SYN3: variants seen among roughly 807,000 people sequenced by gnomAD.
SYN3 encodes synapsin III, also known as synapsin-3.
In SYN3, 35 loss-of-function variants were observed where a neutral mutation model predicts 65.8. That is an observed-to-expected ratio of 0.53 (90% CI 0.41 to 0.70). The LOEUF (loss-of-function observed/expected upper bound fraction) is 0.70, where lower values mean the gene tolerates loss of function less well. SYN3 is among the 30% of genes least tolerant of loss of function. The probability of loss-of-function intolerance (pLI) is 0.00; values close to 1 mark genes in which losing one functional copy is unlikely to be tolerated. For synonymous variants in SYN3, 270 were observed against 292.9 expected, an observed-to-expected ratio of 0.92 and a Z score of 0.80; for missense variants, 680 against 749.0, an observed-to-expected ratio of 0.91 and a Z score of 1.08.
In SYN3 at chr22:32,865,070, G is replaced by A. The variant is rs1186599764; in HGVS notation, c.622-66C>T. On this transcript the variant is annotated intron_variant, in intron 5 of 13. Coordinates refer to ENST00000358763, the MANE Select transcript of SYN3 (RefSeq NM_003490.4). Reference sequence around the variant, plus strand: ...CCCAGTATAACAAAACCTCCCACTTGATCTGAGGCCTCAAGCATCTGACTG... The same window carrying A: ...CCCAGTATAACAAAACCTCCCACTTAATCTGAGGCCTCAAGCATCTGACTG... 3 of 1,287,210 alleles carry A rather than the reference G, an allele frequency of 2.3e-6. No homozygotes were observed. The African/African-American group carries it at 4.4e-5, about 19-fold the overall frequency. 79.7% of individuals were successfully genotyped at this position (1,287,210 alleles called of 1,614,324 possible).
intron 12 of SYN3, chr22:32,519,557 T>C (rs567615663): frequency 1.3e-5 from 2 of 152,258 alleles, no homozygotes; most frequent in African/African-American, 4.8e-5. Context: ...AAAGAGAATC[T>C]TGGTTTCTCC....
At chr22:32,884,665 G>A (rs2146438094) in intron 4 of SYN3, among the ~76,000 whole-genome samples, 1 of 152,252 alleles carries the variant, frequency 6.6e-6, no homozygotes, top group East Asian at 1.9e-4. Context: ...CGGATCACGA[G>A]GTCAGGAGAC....
chr22:32,730,987 T>C (rs892720301), intron 6 of SYN3, among the ~76,000 whole-genome samples: 2 of 152,116 alleles, frequency 1.3e-5, no homozygotes, highest in African/African-American at 4.8e-5. Context: ...ACAAGGCATG[T>C]CACCAGATTG....
chr22:32,845,782 T>C (rs242069), intron 6 of SYN3, among the ~76,000 whole-genome samples: 49,112 of 152,086 alleles, frequency 0.32, 8,520 homozygotes, highest in East Asian at 0.54. Context: ...ATGCTGCCAG[T>C]TACCAGTTTG....
At chr22:32,678,912 C>T (rs1192832483) in intron 6 of SYN3, among the ~76,000 whole-genome samples, 1 of 152,074 alleles carries the variant, frequency 6.6e-6, no homozygotes, top group Non-Finnish European at 1.5e-5. Context: ...CTTTCTGTAG[C>T]TGACTTATTT....
intron 4 of SYN3, among the ~76,000 whole-genome samples, chr22:32,910,677 G>A (rs547467957): frequency 1.3e-5 from 2 of 151,786 alleles, no homozygotes; most frequent in East Asian, 3.9e-4. Flanking sequence ...GAAAGTAATG[G>A]CAAAAATCAC....
At chr22:32,985,480 T>A (rs1487743525) in intron 2 of SYN3, among the ~76,000 whole-genome samples, 1 of 152,150 alleles carries the variant, frequency 6.6e-6, no homozygotes, top group Non-Finnish European at 1.5e-5. Flanking sequence ...ACCCTTCACA[T>A]CCTTCCTCCT....
chr22:32,998,434 G>A (rs1184462916), intron 2 of SYN3, among the ~76,000 whole-genome samples: 1 of 152,112 alleles, frequency 6.6e-6, no homozygotes, highest in Non-Finnish European at 1.5e-5. Context: ...AGAAACCATT[G>A]GGAAGGGTGG....
chr22:32,784,787 G>T, intron 6 of SYN3: 1 of 152,212 alleles, frequency 6.6e-6, no homozygotes, highest in East Asian at 1.9e-4. Flanking sequence ...ACAGCATATC[G>T]CAGCAGGCAT....
intron 4 of SYN3, among the ~76,000 whole-genome samples, chr22:32,904,028 CA>C (rs1348023149): frequency 1.3e-4 from 20 of 152,226 alleles, no homozygotes; most frequent in African/African-American, 4.8e-4. Context: ...AGCACCACAA[CA>C]GACATTATTT....
At chr22:32,912,243 G>C (rs1387859713) in intron 4 of SYN3, among the ~76,000 whole-genome samples, 1 of 152,138 alleles carries the variant, frequency 6.6e-6, no homozygotes, top group Non-Finnish European at 1.5e-5. Flanking sequence ...GTTTCTCTGA[G>C]GAGTGACATT....
At chr22:32,516,520 C>T (rs866569316) in intron 13 of SYN3, among the ~76,000 whole-genome samples, 23 of 152,132 alleles carry the variant, frequency 1.5e-4, no homozygotes, top group Admixed American at 3.3e-4. Context: ...TGCACCAGCA[C>T]GCCCAGCTAA....
chr22:32,541,834 A>G lies in SYN3; in HGVS notation c.775-121T>C, dbSNP rs114290071. 2,001 of 1,172,074 alleles carry G rather than the reference A, an allele frequency of 1.7e-3. 32 individuals are homozygous for G. In the African/African-American group the frequency reaches 0.024, roughly 14 times the overall value. The allele number at this position is 1,172,074 out of a possible 1,614,324, so 72.6% of individuals were successfully genotyped here. On this transcript the variant is annotated intron_variant, in intron 7 of 13. Coordinates refer to ENST00000358763, the MANE Select transcript of SYN3 (RefSeq NM_003490.4). ...TCCCTTCAGAAGGTCACCTGCTGGC[A>G]GGGGAGACAGACACGGGAAGCAAAT...
At chr22:32,869,408 T>G (rs2048785162) in intron 4 of SYN3, among the ~76,000 whole-genome samples, 2 of 148,594 alleles carry the variant, frequency 1.3e-5, no homozygotes, top group African/African-American at 4.9e-5. Flanking sequence ...AACATCTATT[T>G]CATTTGCAAC....
intron 2 of SYN3, among the ~76,000 whole-genome samples, chr22:32,983,330 C>T (rs1001493936): frequency 1.3e-5 from 2 of 152,126 alleles, no homozygotes; most frequent in Non-Finnish European, 2.9e-5. Context: ...CCTTCTTAGT[C>T]TCCTACTCTT....
At chr22:33,039,010 G>T (rs1044110896) in intron 1 of SYN3, among the ~76,000 whole-genome samples, 4 of 152,102 alleles carry the variant, frequency 2.6e-5, no homozygotes, top group Admixed American at 2.6e-4. Context: ...AGTCCTCCAG[G>T]GCTCATCTCC....
At chr22:32,568,051 C>T (rs893605542) in intron 7 of SYN3, among the ~76,000 whole-genome samples, 1 of 152,196 alleles carries the variant, frequency 6.6e-6, no homozygotes, top group Non-Finnish European at 1.5e-5. Context: ...GATTAAAGCT[C>T]CTCACGGGAC....
At chr22:33,038,477 G>A (rs1231859896) in intron 1 of SYN3, among the ~76,000 whole-genome samples, 1 of 152,192 alleles carries the variant, frequency 6.6e-6, no homozygotes, top group Non-Finnish European at 1.5e-5. Flanking sequence ...CCTCCACTGT[G>A]AGCTCCGATT....
intron 6 of SYN3, among the ~76,000 whole-genome samples, chr22:32,688,399 G>T (rs1320510402): frequency 6.6e-6 from 1 of 152,190 alleles, no homozygotes; most frequent in African/African-American, 2.4e-5. Flanking sequence ...TCAGTGGCAG[G>T]AAGTCTTGCC....
Sources: allele counts gnomAD v4.1 joint callset (sites outside exome capture counted in the v4.1 genomes callset), GRCh38; gene constraint gnomAD v4.1.1; transcripts MANE v1.5; gene names NCBI Gene and HGNC (gene_info 2026-07-23, HGNC 2026-07-21).